The following KCNIP4 variants were observed in gnomAD, a reference collection of about 807,000 sequenced individuals.
KCNIP4 encodes the protein Kv channel-interacting protein 4.
Under a neutral mutation model 34.0 loss-of-function variants are expected in KCNIP4, and 12 were observed. The ratio of observed to expected loss-of-function variants is 0.35; its 90% CI spans 0.23 to 0.57. The LOEUF is 0.57. Among genes scored for constraint, KCNIP4 ranks in the 20% least tolerant of loss-of-function variants. KCNIP4 has a pLI of 0.83. For missense variants in KCNIP4, 238 were observed against 311.7 expected, an observed-to-expected ratio of 0.76 and a Z score of 1.78; for synonymous variants, 124 against 102.2, an observed-to-expected ratio of 1.21 and a Z score of -1.29.
chr4:20,789,924 C>T (rs908136440), intron 3 of KCNIP4, among the ~76,000 whole-genome samples: 11 of 151,954 alleles, frequency 7.2e-5, no homozygotes, highest in African/African-American at 2.2e-4. Context: ...TACCTAGAAA[C>T]GGGGTGCTAT....
chr4:21,865,081 C>T (rs1353010072), intron 1 of KCNIP4, among the ~76,000 whole-genome samples: 2 of 151,040 alleles, frequency 1.3e-5, no homozygotes, highest in Non-Finnish European at 3.0e-5. Flanking sequence ...TATTGCCTCT[C>T]TTTTTTTTTC....
chr4:21,210,515 TTTAAAG>T (rs1437482345), intron 1 of KCNIP4, among the ~76,000 whole-genome samples: 2 of 152,244 alleles, frequency 1.3e-5, no homozygotes, highest in African/African-American at 2.4e-5. Context: ...CCATTGTCCT[TTTAAAG>T]TTAAATTATT....
chr4:20,910,112 G>A (rs749683657), intron 1 of KCNIP4, among the ~76,000 whole-genome samples: 1 of 152,140 alleles, frequency 6.6e-6, no homozygotes, highest in Non-Finnish European at 1.5e-5. Context: ...CAGACCTGAT[G>A]CGTATCTTTT....
intron 1 of KCNIP4, among the ~76,000 whole-genome samples, chr4:20,967,105 G>A (rs976137934): frequency 8.6e-5 from 13 of 151,980 alleles, no homozygotes; most frequent in African/African-American, 2.9e-4. Context: ...AAGGACCCTG[G>A]GCAACTCATT....
Position 21,643,712 on chromosome 4 carries a change from C to G in KCNIP4, c.61+304859G>C, listed in dbSNP as rs1179199251. Among the ~76,000 whole-genome samples the G allele has an allele frequency of 2.0e-5, 3 of 152,150 alleles. No individual in the cohort carries two copies. The East Asian group carries it at 5.8e-4, about 29-fold the overall frequency. On this transcript the variant is annotated intron_variant, in intron 1 of 8. Coordinates refer to ENST00000382152, the MANE Select transcript of KCNIP4 (RefSeq NM_025221.6). ...GACCACCCTTCAGCAAGAAGAAACT[C>G]TGCAAGGAGACTGCCTTCAAACTTG...
At chr4:21,825,553 T>C (rs1323083219) in intron 1 of KCNIP4, among the ~76,000 whole-genome samples, 1 of 152,144 alleles carries the variant, frequency 6.6e-6, no homozygotes, top group Non-Finnish European at 1.5e-5. Flanking sequence ...ATTAGAATGG[T>C]TTCCACAAGA....
chr4:20,931,379 C>T (rs76763432), intron 1 of KCNIP4, among the ~76,000 whole-genome samples: 14,024 of 151,934 alleles, frequency 0.092, 840 homozygotes, highest in Admixed American at 0.14. Context: ...TTCCGAAAAA[C>T]GCAACATCAT....
At chr4:21,454,826 A>G (rs1247388964) in intron 1 of KCNIP4, among the ~76,000 whole-genome samples, 1 of 152,118 alleles carries the variant, frequency 6.6e-6, no homozygotes, top group Non-Finnish European at 1.5e-5. Context: ...TCTTTTGGTT[A>G]AATTCTGAAT....
chr4:21,854,716 A>C (rs1174516298), intron 1 of KCNIP4, among the ~76,000 whole-genome samples: 1 of 150,888 alleles, frequency 6.6e-6, no homozygotes, highest in Non-Finnish European at 1.5e-5. Flanking sequence ...ATTCTAAGCG[A>C]TTGTGTTGAG....
chr4:21,930,596 T>C (rs897482320), intron 1 of KCNIP4, among the ~76,000 whole-genome samples: 2 of 152,260 alleles, frequency 1.3e-5, no homozygotes, highest in African/African-American at 4.8e-5. Flanking sequence ...CCTCTCACCA[T>C]TCCCTGACTA....
chr4:21,122,505 T>C (rs1308425042), intron 1 of KCNIP4, among the ~76,000 whole-genome samples: 1 of 151,916 alleles, frequency 6.6e-6, no homozygotes, highest in African/African-American at 2.4e-5. Flanking sequence ...AAAATCAATA[T>C]TTTCCCCCAG....
chr4:21,800,958 A>C (rs757472222), intron 1 of KCNIP4, among the ~76,000 whole-genome samples: 1 of 152,154 alleles, frequency 6.6e-6, no homozygotes, highest in Non-Finnish European at 1.5e-5. Context: ...TTCTTTAGTC[A>C]AACTGGGGCC....
chr4:20,915,184 C>T (rs34856968), intron 1 of KCNIP4, among the ~76,000 whole-genome samples: 19,309 of 152,232 alleles, frequency 0.13, 1,321 homozygotes, highest in South Asian at 0.23. Flanking sequence ...ATTTCTCTTA[C>T]GTACTCCAGG....
intron 1 of KCNIP4, among the ~76,000 whole-genome samples, chr4:20,918,098 G>A (rs894151718): frequency 1.3e-5 from 2 of 152,000 alleles, no homozygotes; most frequent in African/African-American, 2.4e-5. Flanking sequence ...ACAGTGGGAC[G>A]AATGATTCAA....
At chr4:21,909,554 T>G (rs1728184442) in intron 1 of KCNIP4, among the ~76,000 whole-genome samples, 2 of 152,208 alleles carry the variant, frequency 1.3e-5, no homozygotes, top group South Asian at 2.1e-4. Flanking sequence ...TTGCTTTGGG[T>G]TTACTCGTGT....
intron 1 of KCNIP4, among the ~76,000 whole-genome samples, chr4:21,462,282 G>A (rs71607076): frequency 2.5e-4 from 38 of 152,212 alleles, no homozygotes; most frequent in Non-Finnish European, 4.9e-4. Flanking sequence ...AGGTTTAATT[G>A]GACTTACAGT....
At chr4:21,029,961 G>A (rs781666057) in intron 1 of KCNIP4, among the ~76,000 whole-genome samples, 2 of 152,098 alleles carry the variant, frequency 1.3e-5, no homozygotes, top group Non-Finnish European at 2.9e-5. Context: ...TCAATATTGA[G>A]TTCTCTTGAT....
intron 1 of KCNIP4, among the ~76,000 whole-genome samples, chr4:21,310,000 A>G (rs1712968191): frequency 6.6e-6 from 1 of 152,098 alleles, no homozygotes. Flanking sequence ...ATATTACATG[A>G]CCAATGGAGA....
At chr4:20,766,018 G>C (rs1223674449) in intron 3 of KCNIP4, among the ~76,000 whole-genome samples, 4 of 152,098 alleles carry the variant, frequency 2.6e-5, no homozygotes, top group Non-Finnish European at 4.4e-5. Flanking sequence ...TATTGGTATT[G>C]ATATTTTATA....
Sources: gnomAD v4.1 joint callset for allele counts (sites outside exome capture counted in the v4.1 genomes callset) on GRCh38, gnomAD v4.1.1 for gene constraint, MANE v1.5 for transcripts, NCBI Gene and HGNC (gene_info 2026-07-23, HGNC 2026-07-21) for gene names.